ASH1L: variants seen among roughly 807,000 people sequenced by gnomAD.
ASH1L encodes the protein histone-lysine N-methyltransferase ASH1L.
A neutral mutation model predicts 269.0 loss-of-function variants in ASH1L; 23 were observed. The ratio of observed to expected loss-of-function variants is 0.09; its 90% confidence interval spans 0.06 to 0.12. The LOEUF (loss-of-function observed/expected upper bound fraction) is 0.12. Among genes scored for constraint, ASH1L ranks in the 10% least tolerant of loss-of-function variants. ASH1L has a pLI of 1.00. For missense variants in ASH1L, 2,912 were observed against 3,567.8 expected (o/e 0.82, Z 4.68); for synonymous variants, 1,187 against 1,253.5 (o/e 0.95, Z 1.12).
intron 12 of ASH1L, among the ~76,000 whole-genome samples, chr1:155,369,636 C>T (rs1212672756): frequency 1.3e-5 from 2 of 152,046 alleles, no homozygotes; most frequent in Non-Finnish European, 2.9e-5. Flanking sequence ...TCCAGATTCA[C>T]TTTTTTTATT....
At chr1:155,551,216 A>G (rs1339853555) in intron 1 of ASH1L, among the ~76,000 whole-genome samples, 1 of 152,160 alleles carries the variant, frequency 6.6e-6, no homozygotes, top group African/African-American at 2.4e-5. Context: ...CTGATATCTC[A>G]AAGGACTAAC....
At chr1:155,472,850 T>A (rs1365201415) in intron 3 of ASH1L, among the ~76,000 whole-genome samples, 1 of 152,184 alleles carries the variant, frequency 6.6e-6, no homozygotes, top group African/African-American at 2.4e-5. Flanking sequence ...AAGAATCACA[T>A]GTGGGCCAAA....
intron 2 of ASH1L, among the ~76,000 whole-genome samples, chr1:155,496,429 C>T (rs1322061320): frequency 6.6e-6 from 1 of 151,876 alleles, no homozygotes; most frequent in African/African-American, 2.4e-5. Context: ...TAAATGTAGC[C>T]ATAAAAAGAA....
chr1:155,544,963 G>A (rs112476374), intron 1 of ASH1L, among the ~76,000 whole-genome samples: 10 of 150,594 alleles, frequency 6.6e-5, no homozygotes, highest in Non-Finnish European at 1.5e-4. Flanking sequence ...ACCTGAGGTC[G>A]GGAGTTCGAG....
At chr1:155,412,842 T>C (rs1659911828) in intron 6 of ASH1L, among the ~76,000 whole-genome samples, 1 of 151,710 alleles carries the variant, frequency 6.6e-6, no homozygotes, top group South Asian at 2.1e-4. Flanking sequence ...TGCCTATTGC[T>C]TGGTGTATGG....
intron 4 of ASH1L, among the ~76,000 whole-genome samples, chr1:155,454,305 A>C (rs1005288281): frequency 1.3e-5 from 2 of 152,210 alleles, no homozygotes; most frequent in African/African-American, 4.8e-5. Flanking sequence ...AACTAGATCT[A>C]AGTCAAAAGT....
rs1345625226 is a variant in ASH1L at position 155,479,948 on chromosome 1, G to A, written c.2922C>T (p.Asn974=). The A allele has an allele frequency of 1.2e-6, 2 of 1,613,446 alleles. No individual in the cohort carries two copies. The highest frequency in any genetic ancestry group is 1.7e-6 in the Non-Finnish European group (2 of 1,179,870). The part of the protein sequence containing the change: ...MEPDKKITKR[N]NGQLMKTIIR... Reference sequence around the variant, plus strand: ...TAATTGTTTTCATTAATTGTCCATTGTTTCTCTTGGTAATTTTTTTATCTG... The same window carrying A: ...TAATTGTTTTCATTAATTGTCCATTATTTCTCTTGGTAATTTTTTTATCTG... The change falls in exon 3 of 28, where the codon AAC becomes AAT. Residue 974 remains asparagine, a synonymous_variant. Transcript: ENST00000392403.
rs1280869751 is a variant in ASH1L at position 155,460,177 on chromosome 1, T to C, written c.4985-279A>G. Among the ~76,000 whole-genome samples the C allele has an allele frequency of 3.9e-5, 6 of 152,310 alleles. No individual in the cohort carries two copies. The East Asian group carries it at 9.6e-4, about 24-fold the overall frequency. ...GAAGAATAAACAAGATATGATTTAG[T>C]TTTCATGTGTTACTAGCCTAAAACA... On this transcript the variant is annotated intron_variant, in intron 3 of 27. Coordinates refer to ENST00000392403, the MANE Select transcript of ASH1L (RefSeq NM_018489.3).
intron 3 of ASH1L, among the ~76,000 whole-genome samples, chr1:155,465,019 C>CA (rs1664571352): frequency 6.6e-6 from 1 of 151,888 alleles, no homozygotes; most frequent in South Asian, 2.1e-4. Context: ...TGATTTGCCA[C>CA]AAAAAATCTT....
intron 2 of ASH1L, among the ~76,000 whole-genome samples, chr1:155,505,877 T>C (rs908151835): frequency 1.3e-5 from 2 of 152,188 alleles, no homozygotes; most frequent in Non-Finnish European, 2.9e-5. Context: ...CTAGGGTACA[T>C]GTGTACAACG....
At chr1:155,511,147 G>C (rs1429486947) in intron 2 of ASH1L, among the ~76,000 whole-genome samples, 1 of 152,068 alleles carries the variant, frequency 6.6e-6, no homozygotes, top group African/African-American at 2.4e-5. Context: ...TTTTCTTAAA[G>C]GAAATAAAGA....
intron 2 of ASH1L, among the ~76,000 whole-genome samples, chr1:155,513,045 G>A (rs1668269900): frequency 6.6e-6 from 1 of 151,898 alleles, no homozygotes. Flanking sequence ...CTAGGCAATA[G>A]CAAGATGCTG....
At chr1:155,385,969 C>T (rs1053150312) in intron 7 of ASH1L, among the ~76,000 whole-genome samples, 5 of 151,938 alleles carry the variant, frequency 3.3e-5, no homozygotes, top group East Asian at 1.9e-4. Context: ...AAGTCTGACT[C>T]GGCTAGACCT....
intron 3 of ASH1L, among the ~76,000 whole-genome samples, chr1:155,461,010 T>C (rs1664258809): frequency 6.6e-6 from 1 of 152,196 alleles, no homozygotes; most frequent in African/African-American, 2.4e-5. Context: ...AATGTCTACC[T>C]CATGTTTGTC....
intron 4 of ASH1L, among the ~76,000 whole-genome samples, chr1:155,442,421 A>C (rs1662663648): frequency 6.6e-6 from 1 of 151,948 alleles, no homozygotes; most frequent in African/African-American, 2.4e-5. Flanking sequence ...CGTCTCTACT[A>C]AAAATACAAA....
chr1:155,495,890 C>T (rs561340987), intron 2 of ASH1L, among the ~76,000 whole-genome samples: 8 of 151,992 alleles, frequency 5.3e-5, no homozygotes, highest in African/African-American at 9.7e-5. Context: ...CTCAGCTACT[C>T]GGGAGGCTGA....
At position 155,338,396 on chromosome 1, in the gene ASH1L, A is replaced by G. The variant is rs1652495923; in HGVS notation, c.8502-6T>C. 2 of 1,608,776 alleles carry G rather than the reference A, an allele frequency of 1.2e-6. No individual in the cohort carries two copies. Among genetic ancestry groups the G allele is most frequent in the Non-Finnish European group, 1.7e-6 (2 of 1,176,672 alleles). ...GCTCAGACTTCCAGGATGATCTGCC[A>G]GAAGGATATCTGAATTTAGTGTAAG... is the stretch of plus-strand genomic sequence containing the variant. On this transcript the variant is annotated splice_region_variant and splice_polypyrimidine_tract_variant and intron_variant, in intron 26 of 27. Transcript: ENST00000392403.
chr1:155,495,570 A>G (rs1252205772), intron 2 of ASH1L, among the ~76,000 whole-genome samples: 1 of 152,220 alleles, frequency 6.6e-6, no homozygotes, highest in Non-Finnish European at 1.5e-5. Context: ...GCAAGACTGT[A>G]CGACACTCTG....
intron 21 of ASH1L, 151 bp downstream of exon 21, chr1:155,346,232 T>C (rs1349618688): frequency 1.3e-6 from 2 of 1,548,936 alleles, no homozygotes; most frequent in Non-Finnish European, 1.8e-6. Context: ...AACAGAATTA[T>C]GACCCTTAAT....
Sources: gnomAD v4.1 joint callset for allele counts (sites outside exome capture counted in the v4.1 genomes callset) on GRCh38, gnomAD v4.1.1 for gene constraint, MANE v1.5 for transcripts, NCBI Gene and HGNC (gene_info 2026-07-23, HGNC 2026-07-21) for gene names.